PAFAH1B1: variants seen among roughly 807,000 people sequenced by gnomAD.
PAFAH1B1 encodes platelet activating factor acetylhydrolase 1b regulatory subunit 1.
In PAFAH1B1, 2 loss-of-function variants were observed where a neutral mutation model predicts 57.5. The ratio of observed to expected loss-of-function variants is 0.03; its 90% CI spans 0.01 to 0.11. PAFAH1B1 has a LOEUF of 0.11. PAFAH1B1 is among the 10% of genes least tolerant of loss of function. The probability of loss-of-function intolerance (pLI) is 1.00; values close to 1 mark genes in which losing one functional copy is unlikely to be tolerated. For missense variants in PAFAH1B1, 257 were observed against 512.0 expected (o/e 0.50, Z 4.81); for synonymous variants, 152 against 169.6 (o/e 0.90, Z 0.81).
At chr17:2,661,643 A>G (rs2069014950) in intron 2 of PAFAH1B1, among the ~76,000 whole-genome samples, 1 of 152,174 alleles carries the variant, frequency 6.6e-6, no homozygotes, top group Admixed American at 6.6e-5. Flanking sequence ...TGTCCTGGCT[A>G]TTAGTGTATC....
intron 7 of PAFAH1B1, 164 bp from the exon 8 acceptor site, chr17:2,673,896 C>A: frequency 1.6e-6 from 1 of 622,854 alleles, no homozygotes; most frequent in South Asian, 1.9e-5. Context: ...TGTCTGTTAG[C>A]TTATTGTTCC....
intron 6 of PAFAH1B1, 48 bp from the exon 7 acceptor site, chr17:2,672,607 C>A: frequency 8.0e-7 from 1 of 1,243,554 alleles, no homozygotes; most frequent in Non-Finnish European, 1.2e-6. Flanking sequence ...TGTTTCATTG[C>A]TCTTGGTGGT....
rs1229421714 is a variant in PAFAH1B1 at position 2,683,355 on chromosome 17, A to G, written c.*1553A>G. The G allele has an allele frequency of 2.0e-5, 3 of 152,220 alleles. No individual in the cohort carries two copies. The highest frequency in any genetic ancestry group is 2.9e-5 in the Non-Finnish European group (2 of 68,040). 9.4% of individuals were successfully genotyped at this position (152,220 alleles called of 1,614,324 possible). Reference sequence around the variant, plus strand: ...TTTGAAAAGTTAACAGAACAATGAGATAACAGTGACAGTTTAACAAAGATA... The same window carrying G: ...TTTGAAAAGTTAACAGAACAATGAGGTAACAGTGACAGTTTAACAAAGATA... On this transcript the variant is annotated 3_prime_UTR_variant, in exon 11 of 11. Transcript: ENST00000397195.
chr17:2,603,605 G>C (rs1185946051), intron 1 of PAFAH1B1, among the ~76,000 whole-genome samples: 1 of 151,452 alleles, frequency 6.6e-6, no homozygotes, highest in East Asian at 1.9e-4. Context: ...TGGGCAAAAA[G>C]AGCAAAACTT....
At chr17:2,649,505 C>CG (rs910285080) in intron 2 of PAFAH1B1, among the ~76,000 whole-genome samples, 27 of 148,692 alleles carry the variant, frequency 1.8e-4, no homozygotes, top group Non-Finnish European at 4.5e-5. Context: ...ACCTGGGAGG[C>CG]GGGGAGGTTG....
intron 1 of PAFAH1B1, among the ~76,000 whole-genome samples, chr17:2,630,970 G>A (rs570670713): frequency 9.9e-5 from 15 of 152,282 alleles, no homozygotes; most frequent in African/African-American, 3.6e-4. Flanking sequence ...GGCTGGGCGC[G>A]GTGGCCCACG....
At position 2,632,160 on chromosome 17, in the gene PAFAH1B1, C is replaced by T. The variant is rs115822126; in HGVS notation, c.-190-5939C>T. The stretch of plus-strand genomic sequence containing the variant: ...CTCAGGCTGGTCTTGAACTCCTGGC[C>T]TCAAACAATCCTCCTGCCTTGGCCT... On this transcript the variant is annotated intron_variant, in intron 1 of 10. Coordinates refer to ENST00000397195, the MANE Select transcript of PAFAH1B1 (RefSeq NM_000430.4). 7.8e-3 allele frequency among the ~76,000 whole-genome samples: 1,184 copies of T among 152,298 alleles called. 16 individuals are homozygous for T. Among genetic ancestry groups the T allele is most frequent in the African/African-American group, 0.027 (1,140 of 41,562 alleles).
At chr17:2,635,953 CAAAAAAA>C (rs560825633) in intron 1 of PAFAH1B1, among the ~76,000 whole-genome samples, 5 of 70,874 alleles carry the variant, frequency 7.1e-5, no homozygotes, top group East Asian at 3.3e-4. Flanking sequence ...TAGAAAAATA[CAAAAAAA>C]AAAAAAAAAA....
In PAFAH1B1 at chr17:2,671,811, C is replaced by A. The variant is rs949850734; in HGVS notation, c.569-844C>A. Among the ~76,000 whole-genome samples, 19 of 151,926 alleles carry A rather than the reference C, an allele frequency of 1.3e-4. No individual in the cohort carries two copies. In the South Asian group the frequency reaches 2.1e-3, roughly 17 times the overall value. On this transcript the variant is annotated intron_variant, in intron 6 of 10. Transcript: ENST00000397195. ...AGAAACAGGGTTTAACCATATTGGC[C>A]AGGCTGGTCTTGAACTCCTGACCTC...
chr17:2,673,419 C>T (rs1040838495), intron 7 of PAFAH1B1, among the ~76,000 whole-genome samples: 2 of 152,000 alleles, frequency 1.3e-5, no homozygotes, highest in African/African-American at 2.4e-5. Flanking sequence ...GCGGGCGGAT[C>T]ATGAGGTCAG....
At chr17:2,601,566 C>G (rs150233683) in intron 1 of PAFAH1B1, among the ~76,000 whole-genome samples, 1 of 151,914 alleles carries the variant, frequency 6.6e-6, no homozygotes, top group African/African-American at 2.4e-5. Flanking sequence ...CTCAGCCTCC[C>G]GAGTAGCTGA....
chr17:2,621,605 GTCTTTTTTTTTTTT>G (rs1234584118), intron 1 of PAFAH1B1, among the ~76,000 whole-genome samples: 1,118 of 93,210 alleles, frequency 0.012, 98 homozygotes, highest in African/African-American at 0.029. Context: ...TAGATAATCT[GTCTTTTTTTTTTTT>G]TTTTTTTTTT....
At chr17:2,651,774 C>T (rs745314416) in intron 2 of PAFAH1B1, among the ~76,000 whole-genome samples, 2 of 151,964 alleles carry the variant, frequency 1.3e-5, no homozygotes, top group Non-Finnish European at 1.5e-5. Context: ...TTGCCTTTCC[C>T]CAGTTTCCCC....
intron 1 of PAFAH1B1, among the ~76,000 whole-genome samples, chr17:2,602,093 A>G (rs1214251417): frequency 6.6e-6 from 1 of 150,726 alleles, no homozygotes; most frequent in East Asian, 1.9e-4. Context: ...CAGTATTACC[A>G]TGATGCTATA....
intron 2 of PAFAH1B1, among the ~76,000 whole-genome samples, chr17:2,643,853 C>G (rs2068730040): frequency 6.6e-6 from 1 of 151,994 alleles, no homozygotes; most frequent in Non-Finnish European, 1.5e-5. Context: ...AGCCACCGTG[C>G]CCGGCCCACA....
intron 1 of PAFAH1B1, among the ~76,000 whole-genome samples, chr17:2,604,491 G>A (rs1024061857): frequency 6.6e-6 from 1 of 152,152 alleles, no homozygotes; most frequent in Non-Finnish European, 1.5e-5. Context: ...ACAGCCAAGA[G>A]ATGATACTTG....
In PAFAH1B1 at chr17:2,674,122, A is replaced by T; in HGVS notation, c.734A>T (p.Asp245Val). The T allele has an allele frequency of 6.2e-7, 1 of 1,614,132 alleles. No homozygotes were observed. ...GTACGTATGGTACGGCCAAATCAAG[A>T]TGGCACTCTGATAGCCAGCTGTTCC... ...EWVRMVRPNQ[D>V]GTLIASCSND... Residue 245 changes from aspartate (D) to valine (V), a missense_variant, in exon 8 of 11, where the codon GAT becomes GTT. Coordinates refer to ENST00000397195, the MANE Select transcript of PAFAH1B1 (RefSeq NM_000430.4).
At chr17:2,663,093 A>G (rs762870419) in intron 2 of PAFAH1B1, among the ~76,000 whole-genome samples, 42 of 152,118 alleles carry the variant, frequency 2.8e-4, no homozygotes, top group Non-Finnish European at 5.0e-4. Context: ...AGCCTGGGCA[A>G]TAAGAGTGAA....
chr17:2,675,722 TC>T (rs1040674122), intron 8 of PAFAH1B1, among the ~76,000 whole-genome samples: 1 of 151,904 alleles, frequency 6.6e-6, no homozygotes, highest in African/African-American at 2.4e-5. Context: ...ACTCCTGTAG[TC>T]CCAGCCACTA....
Sources: gnomAD v4.1 joint callset for allele counts (sites outside exome capture counted in the v4.1 genomes callset) on GRCh38, gnomAD v4.1.1 for gene constraint, MANE v1.5 for transcripts, NCBI Gene and HGNC (gene_info 2026-07-23, HGNC 2026-07-21) for gene names.